ROBO1: variants seen among roughly 807,000 people sequenced by gnomAD.
The protein encoded by ROBO1 is roundabout guidance receptor 1, also known as roundabout homolog 1.
ROBO1 carries 149 observed loss-of-function variants against 195.9 expected under a neutral mutation model. That is an observed-to-expected ratio of 0.76 (90% CI 0.67 to 0.87). ROBO1 has a LOEUF of 0.87. Ranked by LOEUF, ROBO1 falls within the 40% of genes least tolerant of loss-of-function variation. The pLI is 0.00. For synonymous variants in ROBO1, 816 were observed against 733.2 expected, an observed-to-expected ratio of 1.11 and a Z score of -1.82; for missense variants, 1,933 against 2,068.3, an observed-to-expected ratio of 0.93 and a Z score of 1.27.
chr3:79,149,584 A>G (rs1218541217), intron 2 of ROBO1, among the ~76,000 whole-genome samples: 1 of 151,432 alleles, frequency 6.6e-6, no homozygotes, highest in Non-Finnish European at 1.5e-5. Flanking sequence ...AATGGATATA[A>G]TGTATTAGGT....
At position 79,660,042 on chromosome 3, in the gene ROBO1, T is replaced by C. The variant is rs1946284380; in HGVS notation, c.-50-70081A>G. On this transcript the variant is annotated intron_variant, in intron 1 of 30. Transcript: ENST00000464233. ...TCAAGAATACCTTCTGGCAGGAGAATTAATCTGATGTGGGTTTGCCGTTTT... is the reference window on the plus strand; with the variant it reads ...TCAAGAATACCTTCTGGCAGGAGAACTAATCTGATGTGGGTTTGCCGTTTT... Among the ~76,000 whole-genome samples, 7 of 152,052 alleles carry C rather than the reference T, an allele frequency of 4.6e-5. 1 individual carries two copies. The South Asian group carries it at 1.5e-3, about 32-fold the overall frequency.
At chr3:78,723,453 A>T (rs1576023904) in intron 5 of ROBO1, among the ~76,000 whole-genome samples, 1 of 152,210 alleles carries the variant, frequency 6.6e-6, no homozygotes, top group African/African-American at 2.4e-5. Flanking sequence ...GTAATTACTA[A>T]ACAACTTCCA....
intron 3 of ROBO1, among the ~76,000 whole-genome samples, chr3:79,033,375 T>G (rs1375604751): frequency 6.6e-6 from 1 of 152,116 alleles, no homozygotes; most frequent in Non-Finnish European, 1.5e-5. Context: ...TATTTACCAA[T>G]TAGAGTGACT....
intron 2 of ROBO1, among the ~76,000 whole-genome samples, chr3:79,202,802 T>C (rs1243173098): frequency 1.3e-5 from 2 of 152,092 alleles, no homozygotes; most frequent in Admixed American, 1.3e-4. Context: ...AACTTTTTAG[T>C]TCCTTAAGCC....
At chr3:79,028,954 C>T (rs956971331) in intron 3 of ROBO1, among the ~76,000 whole-genome samples, 2 of 151,950 alleles carry the variant, frequency 1.3e-5, no homozygotes, top group African/African-American at 2.4e-5. Context: ...AAGCGCTTTT[C>T]CTAAATAGTT....
chr3:79,075,679 C>G (rs543758311), intron 3 of ROBO1, among the ~76,000 whole-genome samples: 2 of 151,902 alleles, frequency 1.3e-5, no homozygotes, highest in East Asian at 3.9e-4. Context: ...CAACCTGGAA[C>G]ACAATTTCAG....
intron 2 of ROBO1, among the ~76,000 whole-genome samples, chr3:79,567,540 C>T (rs188527266): frequency 2.6e-5 from 4 of 152,196 alleles, no homozygotes; most frequent in Admixed American, 6.6e-5. Context: ...TATATGTCTT[C>T]CTGGTATTAA....
intron 4 of ROBO1, among the ~76,000 whole-genome samples, chr3:78,818,710 G>C (rs2030464826): frequency 6.6e-6 from 1 of 152,188 alleles, no homozygotes; most frequent in Non-Finnish European, 1.5e-5. Context: ...GAATGAGCTG[G>C]AGCATTTGTT....
chr3:79,624,464 GAA>G (rs1945105638), intron 1 of ROBO1, among the ~76,000 whole-genome samples: 1 of 151,828 alleles, frequency 6.6e-6, no homozygotes. Flanking sequence ...CAACTCACAT[GAA>G]AAGACACACA....
At chr3:79,265,230 G>A (rs149498292) in intron 2 of ROBO1, among the ~76,000 whole-genome samples, 4 of 151,758 alleles carry the variant, frequency 2.6e-5, no homozygotes, top group East Asian at 3.9e-4. Context: ...CATCAGGATA[G>A]GGATGAGTAT....
intron 1 of ROBO1, among the ~76,000 whole-genome samples, chr3:79,637,878 C>T (rs781673457): frequency 2.0e-5 from 3 of 151,958 alleles, no homozygotes; most frequent in African/African-American, 7.2e-5. Flanking sequence ...AGTCCTCTAG[C>T]TTTCTTTTTA....
intron 4 of ROBO1, among the ~76,000 whole-genome samples, chr3:78,788,736 T>C (rs2083927024): frequency 6.6e-6 from 1 of 152,014 alleles, no homozygotes; most frequent in Non-Finnish European, 1.5e-5. Flanking sequence ...AGGTCTACAA[T>C]TACAAAATAT....
At chr3:79,613,557 T>C (rs527637063) in intron 1 of ROBO1, among the ~76,000 whole-genome samples, 4 of 152,034 alleles carry the variant, frequency 2.6e-5, no homozygotes, top group African/African-American at 9.7e-5. Flanking sequence ...ACCATATCAA[T>C]AATTGCATGA....
chr3:78,799,423 G>C (rs1280663612), intron 4 of ROBO1, among the ~76,000 whole-genome samples: 1 of 150,624 alleles, frequency 6.6e-6, no homozygotes, highest in Non-Finnish European at 1.5e-5. Context: ...CTCACTGCAA[G>C]CTCTGCCTCC....
intron 18 of ROBO1, among the ~76,000 whole-genome samples, chr3:78,655,176 G>A (rs1389519094): frequency 6.6e-6 from 1 of 152,022 alleles, no homozygotes; most frequent in African/African-American, 2.4e-5. Flanking sequence ...TTAGTTATAT[G>A]GATAAGTTCT....
intron 2 of ROBO1, among the ~76,000 whole-genome samples, chr3:79,220,681 T>TATC (rs1176174818): frequency 2.0e-5 from 3 of 151,978 alleles, no homozygotes; most frequent in Non-Finnish European, 4.4e-5. Context: ...GGTGACTGTG[T>TATC]ATCTTCAGAG....
chr3:78,599,475 G>GTATT (rs1400330695), intron 30 of ROBO1, among the ~76,000 whole-genome samples: 1 of 152,068 alleles, frequency 6.6e-6, no homozygotes, highest in East Asian at 1.9e-4. Flanking sequence ...CATTTGACAC[G>GTATT]TATTTATCTA....
At chr3:79,416,854 A>G (rs1271847336) in intron 2 of ROBO1, among the ~76,000 whole-genome samples, 2 of 152,160 alleles carry the variant, frequency 1.3e-5, no homozygotes, top group Admixed American at 1.3e-4. Context: ...TTAAAAGGAT[A>G]CATTTATTCC....
At chr3:79,018,102 C>T (rs1245836529) in intron 3 of ROBO1, among the ~76,000 whole-genome samples, 7 of 152,168 alleles carry the variant, frequency 4.6e-5, no homozygotes, top group African/African-American at 1.7e-4. Flanking sequence ...CCTCCTCCCA[C>T]CCTAGTGCTT....
Sources: allele counts gnomAD v4.1 joint callset (sites outside exome capture counted in the v4.1 genomes callset), GRCh38; gene constraint gnomAD v4.1.1; transcripts MANE v1.5; gene names NCBI Gene and HGNC (gene_info 2026-07-23, HGNC 2026-07-21).